The following ETV5 variants were observed in gnomAD, a reference collection of about 807,000 sequenced individuals.
ETV5 encodes ETS variant transcription factor 5.
A neutral mutation model predicts 70.0 loss-of-function variants in ETV5; 10 were observed. The ratio of observed to expected loss-of-function variants is 0.14; its 90% CI spans 0.09 to 0.24. The LOEUF (loss-of-function observed/expected upper bound fraction) is 0.24. ETV5 is among the 10% of genes least tolerant of loss of function. ETV5 has a pLI of 1.00. For synonymous variants in ETV5, 216 were observed against 242.2 expected (o/e 0.89, Z 1.01); for missense variants, 453 against 651.2 (o/e 0.70, Z 3.31).
chr3:186,073,652 C>T (rs1165107832), intron 7 of ETV5, among the ~76,000 whole-genome samples: 1 of 152,168 alleles, frequency 6.6e-6, no homozygotes, highest in African/African-American at 2.4e-5. Flanking sequence ...TAAAGAACTC[C>T]AAGGTTGAAA....
Position 186,046,861 on chromosome 3 carries a change from A to G in ETV5, c.*1778T>C, listed in dbSNP as rs1712892123. The G allele has an allele frequency of 4.3e-6, 1 of 231,556 alleles. No individual in the cohort carries two copies. The highest frequency in any genetic ancestry group is 8.6e-6 in the Non-Finnish European group (1 of 116,676). 14.3% of individuals were successfully genotyped at this position (231,556 alleles called of 1,614,324 possible). ...CTTTGATTAGAGTACAATGCTAATT[A>G]AGGCCCAATCTACAGGTTTACCACC... is the stretch of plus-strand genomic sequence containing the variant. On this transcript the variant is annotated 3_prime_UTR_variant, in exon 13 of 13. Coordinates refer to ENST00000306376, the MANE Select transcript of ETV5 (RefSeq NM_004454.3).
At chr3:186,096,923 G>A (rs992776251) in intron 5 of ETV5, among the ~76,000 whole-genome samples, 1 of 152,110 alleles carries the variant, frequency 6.6e-6, no homozygotes, top group Non-Finnish European at 1.5e-5. Context: ...GCTCGAACCT[G>A]TAATGCCAGC....
At chr3:186,075,598 C>T (rs1288400052) in intron 7 of ETV5, among the ~76,000 whole-genome samples, 1 of 152,130 alleles carries the variant, frequency 6.6e-6, no homozygotes, top group Admixed American at 6.5e-5. Flanking sequence ...TAATAACCAC[C>T]GAAGCAGACG....
intron 7 of ETV5, among the ~76,000 whole-genome samples, chr3:186,069,543 TAA>T (rs1010536113): frequency 6.6e-6 from 1 of 150,756 alleles, no homozygotes; most frequent in Non-Finnish European, 1.5e-5. Flanking sequence ...AAAAAAGACT[TAA>T]AAAAAAGTCT....
chr3:186,092,749 A>G (rs578055619), intron 5 of ETV5, among the ~76,000 whole-genome samples: 1 of 152,282 alleles, frequency 6.6e-6, no homozygotes, highest in Admixed American at 6.5e-5. Flanking sequence ...CCTGGGTTTT[A>G]AAATAGATGA....
chr3:186,105,637 G>A lies in ETV5; in HGVS notation c.121C>T (p.His41Tyr), dbSNP rs1714569636. ...AAAGCTTTACTACCTTCAGAATCGT[G>A]AGCCAGATCTGTGTCCAAAAACTTC... ...KRKFLDTDLA[H>Y]DSEELFQDLS... The change falls in exon 3 of 13, where the codon CAC becomes TAC. Residue 41 changes from histidine to tyrosine, a missense_variant. This residue lies in a region of ETV5 where 47 missense variants were observed against 96.8 expected (regional missense o/e 0.49). Transcript: ENST00000306376. The surrounding 1 kb of genome is among the most constrained non-coding windows in gnomAD (Gnocchi z 4.5). 3 of 1,614,090 alleles carry A rather than the reference G, an allele frequency of 1.9e-6. No homozygotes were observed. Among genetic ancestry groups the A allele is most frequent in the African/African-American group, 1.3e-5 (1 of 74,928 alleles).
intron 9 of ETV5, among the ~76,000 whole-genome samples, chr3:186,063,571 T>C (rs527314904): frequency 6.6e-6 from 1 of 152,328 alleles, no homozygotes; most frequent in African/African-American, 2.4e-5. Flanking sequence ...ACACCCTTGA[T>C]ATAAAACGAT....
intron 8 of ETV5, among the ~76,000 whole-genome samples, chr3:186,065,008 T>G (rs1713406558): frequency 6.6e-6 from 1 of 152,070 alleles, no homozygotes. Context: ...TTGGAAGGGG[T>G]AGAGGATTGC....
intron 9 of ETV5, among the ~76,000 whole-genome samples, chr3:186,060,821 T>G (rs2150143370): frequency 6.6e-6 from 1 of 152,248 alleles, no homozygotes; most frequent in South Asian, 2.1e-4. Flanking sequence ...TAAAAATATT[T>G]CCCTTAAGAG....
chr3:186,079,206 T>G, intron 7 of ETV5: 1 of 493,094 alleles, frequency 2.0e-6, no homozygotes, highest in Non-Finnish European at 2.8e-6. Flanking sequence ...GCAGAGAAGG[T>G]TCCCTTCACA....
chr3:186,063,576 A>T (rs990134959), intron 9 of ETV5, among the ~76,000 whole-genome samples: 1 of 152,216 alleles, frequency 6.6e-6, no homozygotes, highest in Non-Finnish European at 1.5e-5. Context: ...CTTGATATAA[A>T]ACGATCATCT....
At chr3:186,079,707 T>C in intron 7 of ETV5, 110 bp downstream of exon 7, 1 of 1,185,014 alleles carries the variant, frequency 8.4e-7, no homozygotes, top group South Asian at 1.5e-5. Context: ...CTCAATGTAA[T>C]GATAACTTTT....
chr3:186,069,501 GTTTTT>G (rs370864275), intron 7 of ETV5, among the ~76,000 whole-genome samples: 15 of 129,392 alleles, frequency 1.2e-4, no homozygotes, highest in Non-Finnish European at 2.0e-4. Context: ...AGACGAAGTT[GTTTTT>G]TTTTTTTTTT....
intron 7 of ETV5, 71 bp from the exon 8 acceptor site, chr3:186,066,143 A>G: frequency 7.3e-7 from 1 of 1,363,182 alleles, no homozygotes; most frequent in Non-Finnish European, 9.8e-7. Flanking sequence ...AGCACTGGGG[A>G]CTAGAAGTTC....
intron 7 of ETV5, chr3:186,078,271 C>T (rs1175584277): frequency 4.3e-5 from 38 of 883,094 alleles, no homozygotes; most frequent in Non-Finnish European, 4.9e-5. Context: ...TTTTCTTTTA[C>T]AGTTCATGGT....
Position 186,048,354 on chromosome 3 carries a change from T to C in ETV5, c.*285A>G. ...TGAACAAGATATTGCTTTGCATGTA[T>C]TGTCCATGGTAAGGAGACTCCATTT... On this transcript the variant is annotated 3_prime_UTR_variant, in exon 13 of 13. Transcript: ENST00000306376. 2.1e-6 allele frequency: 1 copy of C among 480,018 alleles called. No individual in the cohort carries two copies. The highest frequency in any genetic ancestry group is 2.3e-5 in the South Asian group (1 of 43,272). The allele number at this position is 480,018 out of a possible 1,614,324, so 29.7% of individuals were successfully genotyped here. A position where few individuals can be genotyped will look rare whatever the true frequency, so the allele number is the denominator to read the frequency against.
At chr3:186,070,567 G>A (rs1192212236) in intron 7 of ETV5, among the ~76,000 whole-genome samples, 1 of 152,236 alleles carries the variant, frequency 6.6e-6, no homozygotes, top group Non-Finnish European at 1.5e-5. Context: ...GAGTGGCCAA[G>A]GGGGATCTCA....
At chr3:186,082,640 C>T (rs558075446) in intron 5 of ETV5, among the ~76,000 whole-genome samples, 2 of 152,200 alleles carry the variant, frequency 1.3e-5, no homozygotes, top group Admixed American at 6.5e-5. Flanking sequence ...AGGCTGGTCT[C>T]GAACTAATGA....
chr3:186,071,788 C>T (rs538548776), intron 7 of ETV5, among the ~76,000 whole-genome samples: 102 of 151,466 alleles, frequency 6.7e-4, no homozygotes, highest in African/African-American at 2.4e-3. Context: ...CTGACCAACA[C>T]GGTGAAACCT....
Sources: gnomAD v4.1 joint callset for allele counts (sites outside exome capture counted in the v4.1 genomes callset) on GRCh38, gnomAD v4.1.1 for gene constraint, gnomAD v4.1.1 regional missense constraint, Gnocchi (gnomAD v3.1) non-coding constraint, MANE v1.5 for transcripts, NCBI Gene and HGNC (gene_info 2026-07-23, HGNC 2026-07-21) for gene names.